Variants in TRPM6 observed in about 807,000 individuals in gnomAD.
The protein encoded by TRPM6 is channel kinase 2.
A neutral mutation model predicts 247.6 loss-of-function variants in TRPM6; 111 were observed. The observed-to-expected ratio is 0.45, with a 90% CI of 0.38 to 0.52. The LOEUF (loss-of-function observed/expected upper bound fraction) is 0.52. Ranked by LOEUF, TRPM6 falls within the 20% of genes least tolerant of loss-of-function variation. The pLI, the probability that TRPM6 is intolerant of heterozygous loss-of-function variation, is 0.00. For synonymous variants in TRPM6, 892 were observed against 853.8 expected (o/e 1.04, Z -0.78); for missense variants, 2,126 against 2,421.5 (o/e 0.88, Z 2.56).
intron 37 of TRPM6, among the ~76,000 whole-genome samples, chr9:74,729,688 C>CA (rs940332971): frequency 6.6e-6 from 1 of 152,024 alleles, no homozygotes; most frequent in African/African-American, 2.4e-5. Context: ...CTGAAGGTGG[C>CA]AAAAAAAGTC....
chr9:74,887,155 G>T, intron 1 of TRPM6: 1 of 903,740 alleles, frequency 1.1e-6, no homozygotes, highest in South Asian at 4.8e-5. Flanking sequence ...AGGAGCCAGC[G>T]GGGACTCCTG....
At chr9:74,833,366 T>A (rs1459469844) in intron 6 of TRPM6, among the ~76,000 whole-genome samples, 1 of 152,194 alleles carries the variant, frequency 6.6e-6, no homozygotes, top group Non-Finnish European at 1.5e-5. Flanking sequence ...TTTGAAAGAA[T>A]ACTTAGGAAC....
intron 1 of TRPM6, among the ~76,000 whole-genome samples, chr9:74,860,367 C>T (rs1038789945): frequency 6.6e-6 from 1 of 151,550 alleles, no homozygotes; most frequent in African/African-American, 2.4e-5. Context: ...TTTTTTGAGA[C>T]GGAGTCTTGC....
chr9:74,833,827 G>C (rs1829622951), intron 6 of TRPM6, among the ~76,000 whole-genome samples, 171 bp downstream of exon 6: 1 of 152,236 alleles, frequency 6.6e-6, no homozygotes, highest in African/African-American at 2.4e-5. Context: ...AACTGCAAGG[G>C]TGGGACTGTC....
At chr9:74,800,902 G>GTTTTTTTTT (rs5898380) in intron 16 of TRPM6, among the ~76,000 whole-genome samples, 1 of 127,040 alleles carries the variant, frequency 7.9e-6, no homozygotes. Context: ...CTAATAAAGT[G>GTTTTTTTTT]TGTTTTTTTT....
At chr9:74,735,242 G>T (rs530158692) in intron 36 of TRPM6, among the ~76,000 whole-genome samples, 37 of 151,982 alleles carry the variant, frequency 2.4e-4, no homozygotes, top group Admixed American at 1.4e-3. Context: ...AACAAAAAAG[G>T]AAGAATTGGA....
chr9:74,762,213 C>T lies in TRPM6; in HGVS notation c.4458G>A (p.Arg1486=), dbSNP rs1564002110. The T allele has an allele frequency of 6.2e-7, 1 of 1,614,182 alleles. No homozygotes were observed. The change falls in exon 26 of 39, where the codon CGG becomes CGA. Residue 1486 remains arginine, a synonymous_variant. Coordinates refer to ENST00000360774, the MANE Select transcript of TRPM6 (RefSeq NM_017662.5). The stretch of plus-strand genomic sequence containing the variant: ...GGGCCTGCTTCTGGTGCTGTTCACT[C>T]CGAGAGGAATCACTGTCACAAGTGG... The part of the protein sequence containing the change: ...LPSTCDSDSS[R]SEQHQKQAQD...
At chr9:74,779,748 C>T (rs536393520) in intron 23 of TRPM6, among the ~76,000 whole-genome samples, 1 of 152,338 alleles carries the variant, frequency 6.6e-6, no homozygotes, top group East Asian at 1.9e-4. Context: ...GTGGCCCATA[C>T]TGGTAGCTGC....
Position 74,786,016 on chromosome 9 carries a change from A to G in TRPM6, c.2777T>C (p.Val926Ala). The change falls in exon 21 of 39, where the codon GTC (valine) becomes GCC (alanine). Residue 926 changes from valine to alanine, a missense_variant. By Grantham distance (64) the Val-to-Ala change is moderately conservative. Around this residue, in one of 3 missense-constraint regions of TRPM6, gnomAD observed 1,082 missense variants for 1,307.9 expected, o/e 0.83. Transcript: ENST00000360774. ...VAIGLFSAGFVLRWGDPPFHT... is the reference protein window; with the variant it reads ...VAIGLFSAGFALRWGDPPFHT... ...AAAAGGAGGGTCACCCCATCGAAGGACGAAGCCAGCTGAAAACAGGCCAAT... is the reference window on the plus strand; with the variant it reads ...AAAAGGAGGGTCACCCCATCGAAGGGCGAAGCCAGCTGAAAACAGGCCAAT... 2 of 1,614,218 alleles carry G rather than the reference A, an allele frequency of 1.2e-6. No homozygotes were observed. Among genetic ancestry groups the G allele is most frequent in the East Asian group, 2.2e-5 (1 of 44,880 alleles).
chr9:74,853,249 G>A (rs1384552966), intron 3 of TRPM6, among the ~76,000 whole-genome samples: 3 of 148,718 alleles, frequency 2.0e-5, no homozygotes, highest in Non-Finnish European at 3.0e-5. Flanking sequence ...GAGCCCCTCC[G>A]CCCGGCAGCC....
At chr9:74,871,270 G>C (rs1034509939) in intron 1 of TRPM6, among the ~76,000 whole-genome samples, 8 of 151,928 alleles carry the variant, frequency 5.3e-5, no homozygotes, top group African/African-American at 1.5e-4. Flanking sequence ...TCCCACCCCT[G>C]TTCCCCAGCC....
chr9:74,742,531 T>C (rs776596352), intron 33 of TRPM6, 30 bp downstream of exon 33: 7 of 1,605,128 alleles, frequency 4.4e-6, no homozygotes, highest in Non-Finnish European at 4.3e-6. Flanking sequence ...TGTCCTGGCA[T>C]AAACTCAAGA....
chr9:74,791,154 A>T (rs574305910), intron 19 of TRPM6, among the ~76,000 whole-genome samples: 1 of 152,118 alleles, frequency 6.6e-6, no homozygotes, highest in South Asian at 2.1e-4. Context: ...TATGGTTAAA[A>T]CTCTCCCAGC....
At chr9:74,875,909 C>G (rs73536156) in intron 1 of TRPM6, among the ~76,000 whole-genome samples, 3,231 of 152,280 alleles carry the variant, frequency 0.021, 133 homozygotes, top group African/African-American at 0.075. Flanking sequence ...TTAAGCTTAT[C>G]TAAGAAGATA....
At chr9:74,829,039 T>C (rs1176798256) in intron 6 of TRPM6, among the ~76,000 whole-genome samples, 2 of 152,190 alleles carry the variant, frequency 1.3e-5, no homozygotes, top group East Asian at 1.9e-4. Context: ...ATGCCTGTAA[T>C]ACCAGCACTT....
At chr9:74,824,896 TA>T (rs893988404) in intron 7 of TRPM6, among the ~76,000 whole-genome samples, 1 of 151,370 alleles carries the variant, frequency 6.6e-6, no homozygotes, top group South Asian at 2.1e-4. Context: ...TTTTTTTTTT[TA>T]AAGTATTCTC....
At chr9:74,821,551 C>T in intron 8 of TRPM6, 118 bp downstream of exon 8, 2 of 1,198,084 alleles carry the variant, frequency 1.7e-6, no homozygotes, top group Non-Finnish European at 2.5e-6. Context: ...GAAATGAAAT[C>T]CAGTCTCAAC....
chr9:74,742,352 T>C (rs74743183), intron 33 of TRPM6, among the ~76,000 whole-genome samples: 3,969 of 152,296 alleles, frequency 0.026, 167 homozygotes, highest in African/African-American at 0.088. Flanking sequence ...TCATTATAGG[T>C]CTTATTCCCA....
In TRPM6 at chr9:74,821,631, G is replaced by T. The variant is rs1247928411; in HGVS notation, c.1010+38C>A. 2.5e-6 allele frequency: 4 copies of T among 1,611,296 alleles called. No individual in the cohort carries two copies. The Admixed American group carries it at 5.0e-5, about 20-fold the overall frequency. ...AAGAACTAAAATGGAGGAATAAACA[G>T]CCCCTATAGTTTCAAAAAAGAAGAG... On this transcript the variant is annotated intron_variant, in intron 8 of 38. Coordinates refer to ENST00000360774, the MANE Select transcript of TRPM6 (RefSeq NM_017662.5).
Sources: allele counts gnomAD v4.1 joint callset (sites outside exome capture counted in the v4.1 genomes callset), GRCh38; gene constraint gnomAD v4.1.1; regional missense constraint gnomAD v4.1.1; transcripts MANE v1.5; gene names NCBI Gene and HGNC (gene_info 2026-07-23, HGNC 2026-07-21).